Variants in ARRDC5 observed in about 807,000 individuals in gnomAD.
ARRDC5 encodes arrestin domain containing 5.
ARRDC5 carries 12 observed loss-of-function variants against 13.3 expected under a neutral mutation model. The observed-to-expected ratio is 0.90, with a 90% confidence interval of 0.58 to 1.46. The LOEUF is 1.46. Among genes scored for constraint, ARRDC5 ranks in the 40% most tolerant of loss-of-function variants. The probability of loss-of-function intolerance (pLI) is 0.00; values close to 1 mark genes in which losing one functional copy is unlikely to be tolerated. For synonymous variants in ARRDC5, 181 were observed against 173.4 expected (o/e 1.04, Z -0.34); for missense variants, 406 against 418.7 (o/e 0.97, Z 0.26).
intron 1 of ARRDC5, among the ~76,000 whole-genome samples, chr19:4,898,746 C>T (rs1262339018): frequency 1.3e-5 from 2 of 149,526 alleles, no homozygotes; most frequent in Non-Finnish European, 3.0e-5. Context: ...CTTGCCTCAG[C>T]GCCCCAAGTA....
At chr19:4,901,001 G>A (rs1305533602) in intron 1 of ARRDC5, among the ~76,000 whole-genome samples, 5 of 149,100 alleles carry the variant, frequency 3.4e-5, no homozygotes, top group Admixed American at 6.7e-5. Flanking sequence ...CCTGGGCAAC[G>A]AGTGAGATTC....
chr19:4,907,195 C>T (rs780887429), upstream of ARRDC5, among the ~76,000 whole-genome samples: 50 of 152,076 alleles, frequency 3.3e-4, no homozygotes, highest in Non-Finnish European at 4.9e-4. Context: ...CTGCAACCTC[C>T]GTCTCCTGGG....
chr19:4,912,642 T>C, the ARRDC5 span, among the ~76,000 whole-genome samples: 193 of 152,318 alleles, frequency 1.3e-3, no homozygotes, highest in Admixed American at 0.012. Context: ...CCAATCCATC[T>C]TTTTGGGATG....
chr19:4,904,152 C>T (rs185735341), upstream of ARRDC5, among the ~76,000 whole-genome samples: 76 of 150,684 alleles, frequency 5.0e-4, no homozygotes, highest in African/African-American at 9.8e-4. Context: ...CCCCCGTGCC[C>T]GGCTAATTTT....
At chr19:4,896,993 G>A in intron 1 of ARRDC5, 117 bp from the exon 2 acceptor site, 1 of 696,876 alleles carries the variant, frequency 1.4e-6, no homozygotes, top group Non-Finnish European at 2.3e-6. Flanking sequence ...GTCTCACTCT[G>A]TCACCCAGTC....
At chr19:4,909,139 C>G in the ARRDC5 span, 1 of 262,846 alleles carries the variant, frequency 3.8e-6, no homozygotes, top group East Asian at 8.5e-5. Flanking sequence ...TTGATTCCGG[C>G]CTTCTTAGAC....
At chr19:4,906,206 C>T (rs1235716124), upstream of ARRDC5, among the ~76,000 whole-genome samples, 4 of 152,060 alleles carry the variant, frequency 2.6e-5, no homozygotes, top group South Asian at 2.1e-4. Context: ...CTCAAACTCC[C>T]GGGCGCAAGA....
chr19:4,915,129 T>C, the ARRDC5 span, among the ~76,000 whole-genome samples: 1 of 152,222 alleles, frequency 6.6e-6, no homozygotes, highest in Non-Finnish European at 1.5e-5. Flanking sequence ...GTCTGATGCC[T>C]CAGTTGAAAT....
intron 2 of ARRDC5, among the ~76,000 whole-genome samples, chr19:4,892,091 T>C (rs2031533558): frequency 6.6e-6 from 1 of 152,004 alleles, no homozygotes; most frequent in African/African-American, 2.4e-5. Flanking sequence ...GTTTTTTGTT[T>C]TTTGTATTTT....
At chr19:4,894,454 T>C (rs2031632750) in intron 2 of ARRDC5, among the ~76,000 whole-genome samples, 1 of 128,058 alleles carries the variant, frequency 7.8e-6, no homozygotes, top group African/African-American at 2.9e-5. Context: ...GAGCTTGCAG[T>C]GAGCCGAGAT....
Position 4,891,464 on chromosome 19 carries a change from T to C in ARRDC5, c.569A>G (p.Lys190Arg). The change falls in exon 3 of 3, where the codon AAG becomes AGG. Residue 190 changes from lysine (K) to arginine (R), a missense_variant. Transcript: ENST00000650722. Reference protein sequence around the residue: ...MERNTFTPGEKVVFTTEINNQ... With the variant: ...MERNTFTPGERVVFTTEINNQ... Reference sequence around the variant, plus strand: ...GTTGATCTCTGTTGTGAAGACGACCTTCTCTCCTGGCGTGAAGGTGTTCCT... The same window carrying C: ...GTTGATCTCTGTTGTGAAGACGACCCTCTCTCCTGGCGTGAAGGTGTTCCT... 1 of 1,613,816 alleles carries C rather than the reference T, an allele frequency of 6.2e-7. No homozygotes were observed. The highest frequency in any genetic ancestry group is 8.5e-7 in the Non-Finnish European group (1 of 1,179,880).
At chr19:4,892,762 G>A (rs1243590686) in intron 2 of ARRDC5, among the ~76,000 whole-genome samples, 3 of 152,052 alleles carry the variant, frequency 2.0e-5, no homozygotes, top group Admixed American at 6.6e-5. Flanking sequence ...ATATAAAAAA[G>A]TGGTTGCAAC....
chr19:4,896,328 AAAT>A (rs1385050438), intron 2 of ARRDC5, among the ~76,000 whole-genome samples: 9 of 60,910 alleles, frequency 1.5e-4, no homozygotes, highest in African/African-American at 5.8e-4. Context: ...AAAAAAAAAA[AAAT>A]ATATATATAT....
chr19:4,911,780 C>A, the ARRDC5 span, among the ~76,000 whole-genome samples: 1 of 152,094 alleles, frequency 6.6e-6, no homozygotes, highest in Non-Finnish European at 1.5e-5. Context: ...GACTGTGGGA[C>A]CTACTGGGAG....
chr19:4,902,853 C>T lies in ARRDC5; in HGVS notation c.-28G>A, dbSNP rs753937329. The T allele has an allele frequency of 1.1e-5, 17 of 1,613,478 alleles. No homozygotes were observed. The highest frequency in any genetic ancestry group is 2.7e-5 in the African/African-American group (2 of 74,896). ...GGGGTTGGGGGGTAGAGAGACATTC[C>T]TCTCTGTCCCCCATGTCCCTGAAAT... On this transcript the variant is annotated 5_prime_UTR_variant, in exon 1 of 3. Coordinates refer to ENST00000650722, the MANE Select transcript of ARRDC5 (RefSeq NM_001080523.3).
Position 4,896,845 on chromosome 19 carries a change from A to C in ARRDC5, c.285T>G (p.Phe95Leu), listed in dbSNP as rs199659836. 1.2e-5 allele frequency: 20 copies of C among 1,613,770 alleles called. No individual in the cohort carries two copies. The South Asian group carries it at 2.1e-4, about 17-fold the overall frequency. Residue 95 changes from phenylalanine (F) to leucine (L), a missense_variant, in exon 2 of 3, where the codon TTT becomes TTG. Physicochemically the swap from Phe to Leu is conservative, Grantham distance 22 (BLOSUM62 0). Coordinates refer to ENST00000650722, the MANE Select transcript of ARRDC5 (RefSeq NM_001080523.3). ...DNWLSAGSHT[F>L]DFHFNLPPRL... ...TGGGAGGTAAGTTGAAATGGAAGTC[A>C]AAGGTGTGGCTGCCTGCACTTAACC...
Position 4,891,321 on chromosome 19 carries a change from T to G in ARRDC5, c.712A>C (p.Arg238=). ...RSRLDSSELL[R]QEANTPVTRF... ...GTCACGGGGGTGTTGGCCTCCTGCCTCAGAAGCTCGCTGCTGTCCAGCCGA... is the reference window on the plus strand; with the variant it reads ...GTCACGGGGGTGTTGGCCTCCTGCCGCAGAAGCTCGCTGCTGTCCAGCCGA... The change falls in exon 3 of 3, where the codon AGG becomes CGG. Residue 238 remains arginine, a synonymous_variant. Coordinates refer to ENST00000650722, the MANE Select transcript of ARRDC5 (RefSeq NM_001080523.3). 2 of 1,613,920 alleles carry G rather than the reference T, an allele frequency of 1.2e-6. No homozygotes were observed. The highest frequency in any genetic ancestry group is 1.7e-6 in the Non-Finnish European group (2 of 1,179,880).
chr19:4,910,737 T>TAC, the ARRDC5 span: 1 of 1,012,110 alleles, frequency 9.9e-7, no homozygotes, highest in Non-Finnish European at 1.4e-6. Context: ...GGTCTGGCTG[T>TAC]ACAGGAGGAC....
At chr19:4,911,445 A>G in the ARRDC5 span, among the ~76,000 whole-genome samples, 1 of 152,060 alleles carries the variant, frequency 6.6e-6, no homozygotes, top group Non-Finnish European at 1.5e-5. Context: ...TCCACCACCA[A>G]TTGCTCTCAG....
Sources: allele counts gnomAD v4.1 joint callset (sites outside exome capture counted in the v4.1 genomes callset), GRCh38; gene constraint gnomAD v4.1.1; transcripts MANE v1.5; gene names NCBI Gene and HGNC (gene_info 2026-07-23, HGNC 2026-07-21).